LILRB4: variants seen among roughly 807,000 people sequenced by gnomAD.
LILRB4 encodes leukocyte immunoglobulin like receptor B4, also known as leukocyte immunoglobulin-like receptor subfamily B member 4.
LILRB4 carries 49 observed loss-of-function variants against 55.2 expected under a neutral mutation model. The observed-to-expected ratio is 0.89, with a 90% CI of 0.71 to 1.13. The LOEUF (loss-of-function observed/expected upper bound fraction) is 1.13, where lower values mean the gene tolerates loss of function less well. Among genes scored for constraint, LILRB4 ranks in the 50% most tolerant of loss-of-function variants. LILRB4 has a pLI of 0.00. For synonymous variants in LILRB4, 229 were observed against 213.8 expected (o/e 1.07, Z -0.62); for missense variants, 590 against 555.2 (o/e 1.06, Z -0.63).
chr19:54,665,245 T>G lies in LILRB4; in HGVS notation c.757+65T>G. On this transcript the variant is annotated intron_variant, in intron 6 of 11. Transcript: ENST00000430952. The surrounding 1 kb of genome is among the most constrained non-coding windows in gnomAD (Gnocchi z 5.5). Reference sequence around the variant, plus strand: ...GGGGAGCCAAGGGTGGGTTCTGTCCTAGGTTAAGGCTCCTCTGGAGGTGGT... The same window carrying G: ...GGGGAGCCAAGGGTGGGTTCTGTCCGAGGTTAAGGCTCCTCTGGAGGTGGT... 6.6e-7 allele frequency: 1 copy of G among 1,507,102 alleles called. No homozygotes were observed. The highest frequency in any genetic ancestry group is 2.6e-5 in the East Asian group (1 of 38,534). 93.4% of individuals were successfully genotyped at this position (1,507,102 alleles called of 1,614,324 possible). A position where few individuals can be genotyped will look rare whatever the true frequency, so the allele number is the denominator to read the frequency against.
At position 54,666,302 on chromosome 19, in the gene LILRB4, G is replaced by C; in HGVS notation, c.937G>C (p.Gly313Arg). ...TGCCGAGCCAGAGCCCAAGGACGGG[G>C]GCCTACAGAGGAGGTAATTCTGCCC... is the stretch of plus-strand genomic sequence containing the variant. The change falls in exon 8 of 12, where the codon GGC (glycine) becomes CGC (arginine). Residue 313 changes from glycine (G) to arginine (R), a missense_variant. Gly to Arg is a moderately radical substitution (Grantham distance 125). Transcript: ENST00000430952. This position sits in a 1 kb window ranked among gnomAD's most constrained non-coding sequence, Gnocchi z 4.8. 6.2e-7 allele frequency: 1 copy of C among 1,610,168 alleles called. No individual in the cohort carries two copies. Among genetic ancestry groups the C allele is most frequent in the Non-Finnish European group, 8.5e-7 (1 of 1,177,904 alleles).
chr19:54,665,072 G>A lies in LILRB4; in HGVS notation c.707-58G>A. The A allele has an allele frequency of 6.3e-7, 1 of 1,597,184 alleles. No homozygotes were observed. The highest frequency in any genetic ancestry group is 1.3e-5 in the African/African-American group (1 of 74,694). On this transcript the variant is annotated intron_variant, in intron 5 of 11. Coordinates refer to ENST00000430952, the Ensembl canonical transcript of LILRB4. This position sits in a 1 kb window ranked among gnomAD's most constrained non-coding sequence, Gnocchi z 5.5. ...GCTGAAGGAGATGTTGCGGGGAGAAGCCGAGCTGATGTGGGGAGCAGGGCA... is the reference window on the plus strand; with the variant it reads ...GCTGAAGGAGATGTTGCGGGGAGAAACCGAGCTGATGTGGGGAGCAGGGCA...
In LILRB4 at chr19:54,665,948, G is replaced by T. The variant is rs373203472; in HGVS notation, c.874+17G>T. The T allele has an allele frequency of 6.2e-7, 1 of 1,613,812 alleles. No homozygotes were observed. The highest frequency in any genetic ancestry group is 1.1e-5 in the South Asian group (1 of 91,042). Reference sequence around the variant, plus strand: ...GGACATTGGGTAAGTAGGAAATTGGGGGACCCGTGGGCTGATGGAGGGTGG... The same window carrying T: ...GGACATTGGGTAAGTAGGAAATTGGTGGACCCGTGGGCTGATGGAGGGTGG... On this transcript the variant is annotated intron_variant, in intron 7 of 11. Coordinates refer to ENST00000430952, the Ensembl canonical transcript of LILRB4. This position sits in a 1 kb window ranked among gnomAD's most constrained non-coding sequence, Gnocchi z 5.5.
At chr19:54,664,585 AG>A in intron 4 of LILRB4, 100 bp downstream of exon 4, 1 of 1,303,552 alleles carries the variant, frequency 7.7e-7, no homozygotes, top group Non-Finnish European at 1.1e-6. Flanking sequence ...GGGCTCAGCC[AG>A]TGGGGGACTC....
In LILRB4 at chr19:54,665,277, G is replaced by A; in HGVS notation, c.757+97G>A. 2 of 1,399,574 alleles carry A rather than the reference G, an allele frequency of 1.4e-6. No homozygotes were observed. Among genetic ancestry groups the A allele is most frequent in the Non-Finnish European group, 1.9e-6 (2 of 1,028,204 alleles). The allele number at this position is 1,399,574 out of a possible 1,614,324, so 86.7% of individuals were successfully genotyped here. ...AGGCTCCTCTGGAGGTGGTGATGTG[G>A]ACAGGCCCCTCCCCTGCATGGGCCT... On this transcript the variant is annotated intron_variant, in intron 6 of 11. Transcript: ENST00000430952. This position sits in a 1 kb window ranked among gnomAD's most constrained non-coding sequence, Gnocchi z 5.5.
At chr19:54,663,123 A>G in intron 1 of LILRB4, 56 bp downstream of exon 1, 1 of 1,581,272 alleles carries the variant, frequency 6.3e-7, no homozygotes, top group South Asian at 1.1e-5. Context: ...TTTGCCTCAC[A>G]GCCAGGCCCT....
chr19:54,665,954 C>G lies in LILRB4; in HGVS notation c.874+23C>G. On this transcript the variant is annotated intron_variant, in intron 7 of 11. Transcript: ENST00000430952. This position sits in a 1 kb window ranked among gnomAD's most constrained non-coding sequence, Gnocchi z 5.5. ...TGGGTAAGTAGGAAATTGGGGGACC[C>G]GTGGGCTGATGGAGGGTGGGCTCAG... 1 of 1,613,444 alleles carries G rather than the reference C, an allele frequency of 6.2e-7. No homozygotes were observed. Among genetic ancestry groups the G allele is most frequent in the Non-Finnish European group, 8.5e-7 (1 of 1,179,768 alleles).
chr19:54,663,595 C>T (rs999684083), intron 2 of LILRB4, 28 bp downstream of exon 2: 1 of 1,612,966 alleles, frequency 6.2e-7, no homozygotes, highest in Non-Finnish European at 8.5e-7. Context: ...TGTCCCAGGT[C>T]CCTCCTCCTC....
intron 1 of LILRB4, among the ~76,000 whole-genome samples, chr19:54,663,312 T>A (rs551318625): frequency 6.6e-6 from 1 of 151,568 alleles, no homozygotes; most frequent in Non-Finnish European, 1.5e-5. Flanking sequence ...CGGGGGTGGT[T>A]GCAGGCGCCT....
At chr19:54,663,053 C>T in exon 1 of LILRB4, 1 of 1,613,850 alleles carries the variant, frequency 6.2e-7, no homozygotes, top group Non-Finnish European at 8.5e-7. Flanking sequence ...ACCTTCACGG[C>T]TCTGCTCTGC....
exon 3 of LILRB4, chr19:54,663,990 C>T: frequency 2.5e-6 from 4 of 1,614,060 alleles, no homozygotes; most frequent in East Asian, 2.2e-5. Context: ...CTATCGCAGC[C>T]CTGTAGGCTG....
chr19:54,665,090 G>T lies in LILRB4; in HGVS notation c.707-40G>T, dbSNP rs746635141. 1 of 1,603,752 alleles carries T rather than the reference G, an allele frequency of 6.2e-7. No individual in the cohort carries two copies. The highest frequency in any genetic ancestry group is 8.5e-7 in the Non-Finnish European group (1 of 1,172,158). ...GGGAGAAGCCGAGCTGATGTGGGGA[G>T]CAGGGCAGCCCCAGCCCTCACATCC... On this transcript the variant is annotated intron_variant, in intron 5 of 11. Coordinates refer to ENST00000430952, the Ensembl canonical transcript of LILRB4. This position sits in a 1 kb window ranked among gnomAD's most constrained non-coding sequence, Gnocchi z 5.5.
rs184098054 is a variant in LILRB4 at position 54,668,005 on chromosome 19, C to G, written c.1330C>G (p.Leu444Val). 12 of 1,614,044 alleles carry G rather than the reference C, an allele frequency of 7.4e-6. No homozygotes were observed. In the East Asian group the frequency reaches 2.5e-4, roughly 33 times the overall value. ...AGCTGAGCCCAGTGTCTATGCCACTCTGGCCATCCACTAATCCAGGGGGGA... is the reference window on the plus strand; with the variant it reads ...AGCTGAGCCCAGTGTCTATGCCACTGTGGCCATCCACTAATCCAGGGGGGA... Residue 444 changes from leucine to valine, a missense_variant, in exon 12 of 12, where the codon CTG becomes GTG. By Grantham distance (32) the Leu-to-Val change is conservative. Coordinates refer to ENST00000430952, the Ensembl canonical transcript of LILRB4.
chr19:54,666,049 G>C lies in LILRB4; in HGVS notation c.874+118G>C. Reference sequence around the variant, plus strand: ...ACTCTGCTCCAGAAATTCCCAGTGAGAAAATCTAGAAAGAAGAAAATGAAT... The same window carrying C: ...ACTCTGCTCCAGAAATTCCCAGTGACAAAATCTAGAAAGAAGAAAATGAAT... On this transcript the variant is annotated intron_variant, in intron 7 of 11. Transcript: ENST00000430952. This position sits in a 1 kb window ranked among gnomAD's most constrained non-coding sequence, Gnocchi z 4.8. 2.2e-6 allele frequency: 3 copies of C among 1,394,520 alleles called. No individual in the cohort carries two copies. Among genetic ancestry groups the C allele is most frequent in the Non-Finnish European group, 3.0e-6 (3 of 1,015,274 alleles). The allele number at this position is 1,394,520 out of a possible 1,614,324, so 86.4% of individuals were successfully genotyped here. A position where few individuals can be genotyped will look rare whatever the true frequency, so the allele number is the denominator to read the frequency against.
chr19:54,665,794 C>T lies in LILRB4; in HGVS notation c.758-21C>T, dbSNP rs375415182. The T allele has an allele frequency of 2.8e-4, 446 of 1,582,588 alleles. No individual in the cohort carries two copies. Among genetic ancestry groups the T allele is most frequent in the Non-Finnish European group, 3.5e-4 (406 of 1,164,538 alleles). On this transcript the variant is annotated intron_variant, in intron 6 of 11. Transcript: ENST00000430952. This position sits in a 1 kb window ranked among gnomAD's most constrained non-coding sequence, Gnocchi z 5.5. ...GCACATCAATGACATCATCCCCATT[C>T]CTGATGTCATCACGCCCAAGGTCTG...
Position 54,665,291 on chromosome 19 carries a change from C to G in LILRB4, c.757+111C>G. 1 of 1,331,974 alleles carries G rather than the reference C, an allele frequency of 7.5e-7. No individual in the cohort carries two copies. Among genetic ancestry groups the G allele is most frequent in the Non-Finnish European group, 1.0e-6 (1 of 978,494 alleles). 82.5% of individuals were successfully genotyped at this position (1,331,974 alleles called of 1,614,324 possible). ...GTGGTGATGTGGACAGGCCCCTCCC[C>G]TGCATGGGCCTCAGTTTCTCCAAGT... On this transcript the variant is annotated intron_variant, in intron 6 of 11. Transcript: ENST00000430952. This position sits in a 1 kb window ranked among gnomAD's most constrained non-coding sequence, Gnocchi z 5.5.
At position 54,666,385 on chromosome 19, in the gene LILRB4, G is replaced by A. The variant is rs750348834; in HGVS notation, c.951-14G>A. The A allele has an allele frequency of 2.7e-5, 44 of 1,613,644 alleles. No homozygotes were observed. Among genetic ancestry groups the A allele is most frequent in the East Asian group, 1.3e-4 (6 of 44,880 alleles). On this transcript the variant is annotated splice_polypyrimidine_tract_variant and intron_variant, in intron 8 of 11. Transcript: ENST00000430952. This position sits in a 1 kb window ranked among gnomAD's most constrained non-coding sequence, Gnocchi z 4.8. ...CACCTCACTGTCCCCTTACACTCCCGTATCCTCCCCCAGGTCCAGCCCAGC... is the reference window on the plus strand; with the variant it reads ...CACCTCACTGTCCCCTTACACTCCCATATCCTCCCCCAGGTCCAGCCCAGC...
At chr19:54,663,016 C>A in exon 1 of LILRB4, 1 of 1,614,000 alleles carries the variant, frequency 6.2e-7, no homozygotes, top group Non-Finnish European at 8.5e-7. Context: ...ACAGCTGGGG[C>A]CCCTGGGAGG....
At chr19:54,667,423 G>C (rs750194974) in intron 10 of LILRB4, 2 of 963,538 alleles carry the variant, frequency 2.1e-6, no homozygotes, top group African/African-American at 3.8e-5. Flanking sequence ...CAGGAAGGCC[G>C]CGTGAGGCTG....
Sources: gnomAD v4.1 joint callset for allele counts (sites outside exome capture counted in the v4.1 genomes callset) on GRCh38, gnomAD v4.1.1 for gene constraint, Gnocchi (gnomAD v3.1) non-coding constraint, MANE v1.5 for transcripts, NCBI Gene and HGNC (gene_info 2026-07-23, HGNC 2026-07-21) for gene names.